The following PDE7A variants were observed in gnomAD, a reference collection of about 807,000 sequenced individuals.
The protein encoded by PDE7A is phosphodiesterase 7A.
In PDE7A, 39 loss-of-function variants were observed where a neutral mutation model predicts 64.3. The observed-to-expected ratio is 0.61, with a 90% CI of 0.47 to 0.79. PDE7A has a LOEUF of 0.79. Ranked by LOEUF, PDE7A falls within the 30% of genes least tolerant of loss-of-function variation. The probability of loss-of-function intolerance (pLI) is 0.00; values close to 1 mark genes in which losing one functional copy is unlikely to be tolerated. For synonymous variants in PDE7A, 203 were observed against 206.8 expected (o/e 0.98, Z 0.16); for missense variants, 470 against 582.8 (o/e 0.81, Z 1.99).
intron 3 of PDE7A, among the ~76,000 whole-genome samples, chr8:65,760,788 A>G (rs1214898031): frequency 1.3e-5 from 2 of 152,170 alleles, no homozygotes; most frequent in Admixed American, 6.5e-5. Flanking sequence ...TGGGGAAAGG[A>G]AGGAGGGTAG....
At chr8:65,814,774 G>A (rs1810354434) in intron 1 of PDE7A, among the ~76,000 whole-genome samples, 2 of 152,088 alleles carry the variant, frequency 1.3e-5, no homozygotes, top group Admixed American at 6.6e-5. Flanking sequence ...GGAGGCCAAG[G>A]AGGACAGATC....
intron 1 of PDE7A, among the ~76,000 whole-genome samples, chr8:65,783,605 A>C (rs944574394): frequency 6.6e-6 from 1 of 152,068 alleles, no homozygotes; most frequent in Admixed American, 6.5e-5. Flanking sequence ...ACAGCTCCCT[A>C]CCTCAGTCCT....
chr8:65,799,490 C>T (rs1405933355), intron 1 of PDE7A, among the ~76,000 whole-genome samples: 1 of 152,138 alleles, frequency 6.6e-6, no homozygotes, highest in Non-Finnish European at 1.5e-5. Context: ...AATGGATTAA[C>T]ACAGCGGAAG....
intron 1 of PDE7A, among the ~76,000 whole-genome samples, chr8:65,816,359 T>C (rs1810400535): frequency 6.6e-6 from 1 of 152,234 alleles, no homozygotes; most frequent in Admixed American, 6.5e-5. Context: ...GTTTTTTAGA[T>C]AGAATTCAAT....
At chr8:65,735,429 CT>C (rs1331996781) in intron 6 of PDE7A, among the ~76,000 whole-genome samples, 1 of 152,072 alleles carries the variant, frequency 6.6e-6, no homozygotes, top group Non-Finnish European at 1.5e-5. Context: ...CCACCTCAGC[CT>C]CCCAAGTAGT....
intron 1 of PDE7A, among the ~76,000 whole-genome samples, chr8:65,806,450 T>G (rs970533700): frequency 6.6e-6 from 1 of 152,226 alleles, no homozygotes; most frequent in Non-Finnish European, 1.5e-5. Context: ...GTTGCACAAC[T>G]TTGTGAATAA....
intron 1 of PDE7A, among the ~76,000 whole-genome samples, chr8:65,832,766 C>T (rs1411454530): frequency 6.6e-6 from 1 of 152,198 alleles, no homozygotes; most frequent in Non-Finnish European, 1.5e-5. Flanking sequence ...GGATTACAGG[C>T]ATGAACCACC....
At chr8:65,811,933 G>A (rs957275665) in intron 1 of PDE7A, among the ~76,000 whole-genome samples, 5 of 152,270 alleles carry the variant, frequency 3.3e-5, no homozygotes, top group African/African-American at 1.2e-4. Flanking sequence ...CAGGCCAGGC[G>A]AGGTGGCTCA....
In PDE7A at chr8:65,782,857, TA is replaced by T; in HGVS notation, c.139-15del. ...AGCTCCACGCCTCTAGAAAAAAAAA[TA>T]CACATTATAATACATGACAATTAAA... is the stretch of plus-strand genomic sequence containing the variant. On this transcript the variant is annotated splice_polypyrimidine_tract_variant and intron_variant, in intron 1 of 12. Coordinates refer to ENST00000401827, the MANE Select transcript of PDE7A (RefSeq NM_001242318.3). 6 of 1,435,376 alleles carry T rather than the reference TA, an allele frequency of 4.2e-6. No individual in the cohort carries two copies. Among genetic ancestry groups the T allele is most frequent in the Non-Finnish European group, 5.9e-6 (6 of 1,022,258 alleles). The allele number at this position is 1,435,376 out of a possible 1,614,324, so 88.9% of individuals were successfully genotyped here. A position where few individuals can be genotyped will look rare whatever the true frequency, so the allele number is the denominator to read the frequency against.
intron 3 of PDE7A, among the ~76,000 whole-genome samples, chr8:65,768,423 T>G (rs1282232670): frequency 6.6e-6 from 1 of 152,112 alleles, no homozygotes; most frequent in African/African-American, 2.4e-5. Context: ...TCTCAGGAGA[T>G]CTCATGGTTT....
At chr8:65,772,908 T>C (rs575194169) in intron 3 of PDE7A, among the ~76,000 whole-genome samples, 1 of 152,214 alleles carries the variant, frequency 6.6e-6, no homozygotes, top group South Asian at 2.1e-4. Flanking sequence ...CTTGGGAGGC[T>C]GAGGTGGGAG....
chr8:65,717,548 TA>T lies in PDE7A; in HGVS notation c.*1741del, dbSNP rs1222633556. 1 of 152,208 alleles carries T rather than the reference TA, an allele frequency of 6.6e-6. No individual in the cohort carries two copies. The highest frequency in any genetic ancestry group is 1.5e-5 in the Non-Finnish European group (1 of 68,040). The allele number at this position is 152,208 out of a possible 1,614,324, so 9.4% of individuals were successfully genotyped here. A position where few individuals can be genotyped will look rare whatever the true frequency, so the allele number is the denominator to read the frequency against. On this transcript the variant is annotated 3_prime_UTR_variant, in exon 13 of 13. Coordinates refer to ENST00000401827, the MANE Select transcript of PDE7A (RefSeq NM_001242318.3). Reference sequence around the variant, plus strand: ...CTTACTCACTTGCAAGGTGAGTCATTAGTAGATAAGCTCGGACTGAGTAAAC... The same window carrying T: ...CTTACTCACTTGCAAGGTGAGTCATTGTAGATAAGCTCGGACTGAGTAAAC...
intron 7 of PDE7A, among the ~76,000 whole-genome samples, chr8:65,731,376 G>T (rs2128895659): frequency 6.6e-6 from 1 of 152,274 alleles, no homozygotes; most frequent in Non-Finnish European, 1.5e-5. Flanking sequence ...AAGGTTTAAA[G>T]GTTCAGTGCT....
At chr8:65,818,756 GC>G (rs1174182223) in intron 1 of PDE7A, among the ~76,000 whole-genome samples, 3 of 152,202 alleles carry the variant, frequency 2.0e-5, no homozygotes, top group Non-Finnish European at 4.4e-5. Context: ...CACATGCACA[GC>G]CTCATCCAGG....
At chr8:65,793,670 A>G (rs1809761000) in intron 1 of PDE7A, among the ~76,000 whole-genome samples, 1 of 152,192 alleles carries the variant, frequency 6.6e-6, no homozygotes, top group Non-Finnish European at 1.5e-5. Flanking sequence ...TTACATGCAT[A>G]TTTTAATGTC....
At chr8:65,821,745 T>C (rs1810546436) in intron 1 of PDE7A, among the ~76,000 whole-genome samples, 1 of 152,236 alleles carries the variant, frequency 6.6e-6, no homozygotes, top group Non-Finnish European at 1.5e-5. Flanking sequence ...CACACTGAAT[T>C]CTGAAGACTT....
At chr8:65,746,933 T>C (rs1056689649) in intron 4 of PDE7A, among the ~76,000 whole-genome samples, 5 of 152,182 alleles carry the variant, frequency 3.3e-5, no homozygotes, top group Non-Finnish European at 7.3e-5. Flanking sequence ...TCTGTAAATA[T>C]TAAGTCAAAT....
At chr8:65,731,304 G>C (rs1035960016) in intron 7 of PDE7A, among the ~76,000 whole-genome samples, 3 of 152,124 alleles carry the variant, frequency 2.0e-5, no homozygotes, top group South Asian at 4.1e-4. Context: ...GGAAGGATGC[G>C]GGGGCCAGGG....
At position 65,739,616 on chromosome 8, in the gene PDE7A, C is replaced by G. The variant is rs760922363; in HGVS notation, c.500-19G>C. The G allele has an allele frequency of 5.4e-6, 8 of 1,491,908 alleles. No individual in the cohort carries two copies. The highest frequency in any genetic ancestry group is 7.1e-6 in the Non-Finnish European group (8 of 1,123,342). The allele number at this position is 1,491,908 out of a possible 1,614,324, so 92.4% of individuals were successfully genotyped here. A position where few individuals can be genotyped will look rare whatever the true frequency, so the allele number is the denominator to read the frequency against. On this transcript the variant is annotated intron_variant, in intron 5 of 12. Coordinates refer to ENST00000401827, the MANE Select transcript of PDE7A (RefSeq NM_001242318.3). ...CTATTTCCTAAAAAGAAAGAAGAGA[C>G]ATTACATTAGTAGGAAATACAAGTC...
Sources: gnomAD v4.1 joint callset for allele counts (sites outside exome capture counted in the v4.1 genomes callset) on GRCh38, gnomAD v4.1.1 for gene constraint, MANE v1.5 for transcripts, NCBI Gene and HGNC (gene_info 2026-07-23, HGNC 2026-07-21) for gene names.